The following SORCS2 variants were observed in gnomAD, a reference collection of about 807,000 sequenced individuals.
SORCS2 encodes sortilin related VPS10 domain containing receptor 2.
A neutral mutation model predicts 141.6 loss-of-function variants in SORCS2; 100 were observed. The ratio of observed to expected loss-of-function variants is 0.71; its 90% CI spans 0.60 to 0.83. The LOEUF (loss-of-function observed/expected upper bound fraction) is 0.83, where lower values mean the gene tolerates loss of function less well. Among genes scored for constraint, SORCS2 ranks in the 40% least tolerant of loss-of-function variants. The pLI, the probability that SORCS2 is intolerant of heterozygous loss-of-function variation, is 0.00. For synonymous variants in SORCS2, 789 were observed against 676.9 expected, an observed-to-expected ratio of 1.17 and a Z score of -2.57; for missense variants, 1,646 against 1,560.2, an observed-to-expected ratio of 1.05 and a Z score of -0.93.
At chr4:7,514,196 A>C (rs1321792858) in intron 2 of SORCS2, among the ~76,000 whole-genome samples, 1 of 152,180 alleles carries the variant, frequency 6.6e-6, no homozygotes, top group Admixed American at 6.5e-5. Context: ...ACCAGGCCAC[A>C]GCTATGGCCA....
At chr4:7,700,701 G>A (rs560769075) in intron 12 of SORCS2, among the ~76,000 whole-genome samples, 8 of 152,236 alleles carry the variant, frequency 5.3e-5, no homozygotes, top group South Asian at 4.2e-4. Context: ...CCCTGCCCCC[G>A]CTCCACCCCC....
intron 1 of SORCS2, among the ~76,000 whole-genome samples, chr4:7,344,806 C>T (rs917069168): frequency 6.6e-6 from 1 of 152,182 alleles, no homozygotes; most frequent in South Asian, 2.1e-4. Context: ...CCCTGATTCC[C>T]CCGTGTACTG....
Position 7,501,364 on chromosome 4 carries a change from G to A in SORCS2, c.549-30166G>A, listed in dbSNP as rs188760801. ...TGAAAAACAGAAGCAGCACACATCC[G>A]TGATGACGTTACCAGACATTTGTGC... On this transcript the variant is annotated intron_variant, in intron 2 of 26. Coordinates refer to ENST00000507866, the MANE Select transcript of SORCS2 (RefSeq NM_020777.3). Among the ~76,000 whole-genome samples, 70 of 152,312 alleles carry A rather than the reference G, an allele frequency of 4.6e-4. No individual in the cohort carries two copies. In the East Asian group the frequency reaches 0.012, roughly 26 times the overall value.
intron 3 of SORCS2, among the ~76,000 whole-genome samples, chr4:7,632,346 A>G (rs985973378): frequency 3.9e-5 from 6 of 152,204 alleles, no homozygotes; most frequent in African/African-American, 7.2e-5. Context: ...TCTCCCCCAG[A>G]ATAGTAAGCA....
chr4:7,215,473 G>A (rs1029663310), intron 1 of SORCS2, among the ~76,000 whole-genome samples: 9 of 152,226 alleles, frequency 5.9e-5, no homozygotes, highest in Admixed American at 6.5e-5. Context: ...CCTGCTCCAC[G>A]GCTCCCAGTC....
In SORCS2 at chr4:7,380,725, C is replaced by T. The variant is rs114838320; in HGVS notation, c.481-15563C>T. ...TGCTGTTTATTTTTGTAGTTACCTTCTATGGATGACAAGTAATGTTTGTTT... is the reference window on the plus strand; with the variant it reads ...TGCTGTTTATTTTTGTAGTTACCTTTTATGGATGACAAGTAATGTTTGTTT... On this transcript the variant is annotated intron_variant, in intron 1 of 26. Coordinates refer to ENST00000507866, the MANE Select transcript of SORCS2 (RefSeq NM_020777.3). Among the ~76,000 whole-genome samples, 236 of 152,358 alleles carry T rather than the reference C, an allele frequency of 1.5e-3. 1 individual carries two copies. Among genetic ancestry groups the T allele is most frequent in the African/African-American group, 5.5e-3 (228 of 41,586 alleles).
chr4:7,519,067 C>T (rs920948023), intron 2 of SORCS2, among the ~76,000 whole-genome samples: 9 of 152,046 alleles, frequency 5.9e-5, no homozygotes, highest in South Asian at 2.1e-4. Flanking sequence ...CTCTGTCACC[C>T]GCCGTGGCTC....
rs147045013 is a variant in SORCS2, at chr4:7,255,043, G to C, written c.480+61917G>C. On this transcript the variant is annotated intron_variant, in intron 1 of 26. Transcript: ENST00000507866. ...CATGTGTGTGAGCATGAGTGTGTGA[G>C]AGTGAGTGTGTGAGCGTGCGTGAGA... is the stretch of plus-strand genomic sequence containing the variant. 5.6e-3 allele frequency among the ~76,000 whole-genome samples: 852 copies of C among 152,200 alleles called. 16 individuals carry two copies. The highest frequency in any genetic ancestry group is 0.02 in the South Asian group (95 of 4,816).
At chr4:7,484,960 G>A (rs73212562) in intron 2 of SORCS2, among the ~76,000 whole-genome samples, 1,534 of 20,060 alleles carry the variant, frequency 0.076, 9 homozygotes, top group Non-Finnish European at 0.13. Flanking sequence ...ACCCCTGTGC[G>A]TTGCCTGCTG....
intron 1 of SORCS2, among the ~76,000 whole-genome samples, chr4:7,380,667 G>A (rs1315224426): frequency 2.0e-5 from 3 of 152,264 alleles, no homozygotes; most frequent in Non-Finnish European, 2.9e-5. Context: ...TCAGGGCGGG[G>A]CGTAGGCCTC....
At chr4:7,729,565 A>T in intron 22 of SORCS2, 22 bp from the exon 23 acceptor site, 1 of 1,568,102 alleles carries the variant, frequency 6.4e-7, no homozygotes, top group Non-Finnish European at 8.6e-7. Context: ...GGCGGACCAA[A>T]GTGGCTTAAC....
intron 3 of SORCS2, among the ~76,000 whole-genome samples, chr4:7,535,468 A>C (rs1028491545): frequency 1.3e-5 from 2 of 152,194 alleles, no homozygotes; most frequent in African/African-American, 4.8e-5. Context: ...ACCCGCTCTG[A>C]GACCTTGAGC....
intron 1 of SORCS2, among the ~76,000 whole-genome samples, chr4:7,210,525 T>C (rs1339395521): frequency 6.6e-6 from 1 of 152,152 alleles, no homozygotes; most frequent in African/African-American, 2.4e-5. Context: ...GAGGGATCTA[T>C]CCACCTTAGC....
chr4:7,484,197 C>G (rs1361652500), intron 2 of SORCS2, among the ~76,000 whole-genome samples: 1 of 152,212 alleles, frequency 6.6e-6, no homozygotes, highest in South Asian at 2.1e-4. Flanking sequence ...TCCCACAGCT[C>G]GCGTCCCTGC....
intron 3 of SORCS2, among the ~76,000 whole-genome samples, chr4:7,636,729 T>G (rs1449859422): frequency 6.6e-6 from 1 of 151,834 alleles, no homozygotes; most frequent in East Asian, 1.9e-4. Flanking sequence ...TCCTCACGCC[T>G]CCCTAGAGAC....
chr4:7,533,144 G>A (rs1711800850), intron 3 of SORCS2, among the ~76,000 whole-genome samples: 1 of 152,202 alleles, frequency 6.6e-6, no homozygotes, highest in Non-Finnish European at 1.5e-5. Context: ...GATTTGCTCA[G>A]TCTCACACCT....
At chr4:7,487,161 C>T (rs1460328678) in intron 2 of SORCS2, among the ~76,000 whole-genome samples, 1 of 152,204 alleles carries the variant, frequency 6.6e-6, no homozygotes, top group Non-Finnish European at 1.5e-5. Context: ...GCTCAGGGGA[C>T]CCCTGCAGGA....
At chr4:7,694,913 G>T (rs2108995424) in intron 11 of SORCS2, among the ~76,000 whole-genome samples, 1 of 152,010 alleles carries the variant, frequency 6.6e-6, no homozygotes, top group Non-Finnish European at 1.5e-5. Context: ...CCACTCGGAG[G>T]CTCTTTCCTG....
At chr4:7,549,670 A>G (rs1262355814) in intron 3 of SORCS2, among the ~76,000 whole-genome samples, 1 of 152,240 alleles carries the variant, frequency 6.6e-6, no homozygotes, top group African/African-American at 2.4e-5. Context: ...GTGCAAGCAC[A>G]TAGTTGGTGC....
Sources: allele counts gnomAD v4.1 joint callset (sites outside exome capture counted in the v4.1 genomes callset), GRCh38; gene constraint gnomAD v4.1.1; transcripts MANE v1.5; gene names NCBI Gene and HGNC (gene_info 2026-07-23, HGNC 2026-07-21).